TNKS2: variants seen among roughly 807,000 people sequenced by gnomAD.
TNKS2 encodes the protein poly [ADP-ribose] polymerase tankyrase-2.
A neutral mutation model predicts 137.6 loss-of-function variants in TNKS2; 72 were observed. The observed-to-expected ratio is 0.52, with a 90% confidence interval of 0.43 to 0.64. TNKS2 has a LOEUF of 0.64. Ranked by LOEUF, TNKS2 falls within the 30% of genes least tolerant of loss-of-function variation. The pLI is 0.00. For synonymous variants in TNKS2, 516 were observed against 512.1 expected (o/e 1.01, Z -0.10); for missense variants, 1,049 against 1,410.2 (o/e 0.74, Z 4.10).
intron 1 of TNKS2, among the ~76,000 whole-genome samples, chr10:91,809,528 T>C (rs7087565): frequency 0.7 from 105,019 of 150,824 alleles, 37,697 homozygotes; most frequent in East Asian, 0.91. Flanking sequence ...TAGCTGGGCG[T>C]GGTGGCGGGC....
intron 3 of TNKS2, among the ~76,000 whole-genome samples, chr10:91,818,141 T>A (rs1485694097): frequency 6.6e-6 from 1 of 152,254 alleles, no homozygotes; most frequent in East Asian, 1.9e-4. Context: ...TGTTATTCCA[T>A]GCTTTTATTT....
intron 16 of TNKS2, among the ~76,000 whole-genome samples, chr10:91,843,495 G>A (rs1842275563): frequency 6.6e-6 from 1 of 152,120 alleles, no homozygotes; most frequent in Non-Finnish European, 1.5e-5. Context: ...TGGGGTTAGG[G>A]CTTCAACATA....
In TNKS2 at chr10:91,798,908, C is replaced by G. The variant is rs986566942; in HGVS notation, c.199+19C>G. Reference sequence around the variant, plus strand: ...GCCGCAGGTAACCGGGGCCAGCGTCCCCTCGCCTCGCTCCAGACCCCACCT... The same window carrying G: ...GCCGCAGGTAACCGGGGCCAGCGTCGCCTCGCCTCGCTCCAGACCCCACCT... On this transcript the variant is annotated intron_variant, in intron 1 of 26. Coordinates refer to ENST00000371627, the MANE Select transcript of TNKS2 (RefSeq NM_025235.4). The G allele has an allele frequency of 2.8e-5, 39 of 1,375,990 alleles. No homozygotes were observed. Among genetic ancestry groups the G allele is most frequent in the Non-Finnish European group, 3.6e-5 (38 of 1,056,124 alleles). The allele number at this position is 1,375,990 out of a possible 1,614,324, so 85.2% of individuals were successfully genotyped here.
At chr10:91,807,372 A>C (rs556966774) in intron 1 of TNKS2, 4 of 1,614,162 alleles carry the variant, frequency 2.5e-6, no homozygotes, top group Admixed American at 1.7e-5. Flanking sequence ...ACGTGCCTTC[A>C]TAGGGTCAGC....
chr10:91,812,402 G>A (rs1046590899), intron 1 of TNKS2, among the ~76,000 whole-genome samples: 41 of 152,196 alleles, frequency 2.7e-4, no homozygotes, highest in African/African-American at 9.4e-4. Flanking sequence ...AAGTGGCAAA[G>A]TAGGGACTCC....
chr10:91,803,529 G>C (rs1440756981), intron 1 of TNKS2, among the ~76,000 whole-genome samples: 1 of 152,210 alleles, frequency 6.6e-6, no homozygotes, highest in East Asian at 1.9e-4. Context: ...TGTAGTCCTA[G>C]CTACTTGGGA....
chr10:91,859,407 C>T, intron 24 of TNKS2, 55 bp from the exon 25 acceptor site: 1 of 1,349,180 alleles, frequency 7.4e-7, no homozygotes, highest in Non-Finnish European at 9.8e-7. Flanking sequence ...TAGTTTTTTA[C>T]TTTTTATTCT....
At chr10:91,815,489 T>A (rs201869042) in intron 2 of TNKS2, among the ~76,000 whole-genome samples, 1 of 99,142 alleles carries the variant, frequency 1.0e-5, no homozygotes. Flanking sequence ...AGTTTTCCAG[T>A]TATAATCTGC....
rs7909668 is a variant in TNKS2, at chr10:91,860,482, G to A, written c.3281+834G>A. Among the ~76,000 whole-genome samples, 629 of 152,208 alleles carry A rather than the reference G, an allele frequency of 4.1e-3. 6 individuals are homozygous for A. Among genetic ancestry groups the A allele is most frequent in the African/African-American group, 0.014 (602 of 41,526 alleles). On this transcript the variant is annotated intron_variant, in intron 25 of 26. Transcript: ENST00000371627. ...AATTTGAGTTTCTACCAAGTTCCCA[G>A]ATGTGACACTGTATTTCTGACCACT...
chr10:91,839,313 C>T (rs921252443), intron 13 of TNKS2, among the ~76,000 whole-genome samples: 6 of 151,312 alleles, frequency 4.0e-5, no homozygotes, highest in Non-Finnish European at 5.9e-5. Flanking sequence ...TAATTCTCCC[C>T]AGGACTGTAT....
chr10:91,800,207 C>T (rs1238140786), intron 1 of TNKS2, among the ~76,000 whole-genome samples: 1 of 152,206 alleles, frequency 6.6e-6, no homozygotes, highest in Non-Finnish European at 1.5e-5. Flanking sequence ...AAGTCAAACA[C>T]ACCTAGTTAG....
chr10:91,851,011 A>G (rs2133671500), intron 20 of TNKS2, among the ~76,000 whole-genome samples: 1 of 152,268 alleles, frequency 6.6e-6, no homozygotes, highest in African/African-American at 2.4e-5. Flanking sequence ...AAAATAGAAT[A>G]CCTGAATGTG....
At chr10:91,806,528 A>G (rs1416887364) in intron 1 of TNKS2, among the ~76,000 whole-genome samples, 2 of 152,156 alleles carry the variant, frequency 1.3e-5, no homozygotes, top group Non-Finnish European at 2.9e-5. Flanking sequence ...CTGATCACTG[A>G]AAACTAGATT....
chr10:91,854,140 T>C (rs958718777), intron 21 of TNKS2, among the ~76,000 whole-genome samples: 1 of 152,164 alleles, frequency 6.6e-6, no homozygotes, highest in African/African-American at 2.4e-5. Context: ...AACTGTGGAT[T>C]TCTCATTCTA....
At chr10:91,831,339 A>G (rs1421261598) in intron 11 of TNKS2, among the ~76,000 whole-genome samples, 158 bp downstream of exon 11, 1 of 151,994 alleles carries the variant, frequency 6.6e-6, no homozygotes, top group Non-Finnish European at 1.5e-5. Flanking sequence ...AACCTTTTCT[A>G]TATCTAATTT....
chr10:91,842,233 A>G lies in TNKS2; in HGVS notation c.1901A>G (p.Asp634Gly). ...DGNTPLDLVK[D>G]GDTDIQDLLR... ...AATACTCCTTTGGATCTTGTTAAAG[A>G]TGGAGATACAGATATTCAAGATCTG... The change falls in exon 16 of 27, where the codon GAT (aspartate) becomes GGT (glycine). Residue 634 changes from aspartate (D) to glycine (G), a missense_variant. Physicochemically the swap from Asp to Gly is moderately conservative, Grantham distance 94 (BLOSUM62 -1). Transcript: ENST00000371627. 1 of 1,613,990 alleles carries G rather than the reference A, an allele frequency of 6.2e-7. No homozygotes were observed. The highest frequency in any genetic ancestry group is 8.5e-7 in the Non-Finnish European group (1 of 1,179,964).
At chr10:91,819,089 A>C (rs558628087) in intron 3 of TNKS2, among the ~76,000 whole-genome samples, 181 bp from the exon 4 acceptor site, 1 of 152,146 alleles carries the variant, frequency 6.6e-6, no homozygotes, top group African/African-American at 2.4e-5. Flanking sequence ...AAGGTATTTC[A>C]TGTTTGCTCT....
chr10:91,819,245 A>ATTTT, intron 3 of TNKS2, 25 bp from the exon 4 acceptor site: 1 of 1,027,192 alleles, frequency 9.7e-7, no homozygotes, highest in Non-Finnish European at 1.3e-6. Context: ...TAATTTCTAT[A>ATTTT]CTTTTTTTTT....
intron 2 of TNKS2, among the ~76,000 whole-genome samples, chr10:91,815,555 G>A (rs949374802): frequency 6.6e-6 from 1 of 151,848 alleles, no homozygotes; most frequent in Non-Finnish European, 1.5e-5. Flanking sequence ...GGTACTCTAA[G>A]GGGAAAAAGC....
Sources: gnomAD v4.1 joint callset for allele counts (sites outside exome capture counted in the v4.1 genomes callset) on GRCh38, gnomAD v4.1.1 for gene constraint, MANE v1.5 for transcripts, NCBI Gene and HGNC (gene_info 2026-07-23, HGNC 2026-07-21) for gene names.